The following B4GALNT3 variants were observed in gnomAD, a reference collection of about 807,000 sequenced individuals.
The protein encoded by B4GALNT3 is beta-1,4-N-acetyl-galactosaminyltransferase 3, also known as beta-1,4-N-acetylgalactosaminyltransferase 3.
In B4GALNT3, 86 loss-of-function variants were observed where a neutral mutation model predicts 120.2. The ratio of observed to expected loss-of-function variants is 0.72; its 90% confidence interval spans 0.60 to 0.86. The LOEUF (loss-of-function observed/expected upper bound fraction) is 0.86, where lower values mean the gene tolerates loss of function less well. B4GALNT3 is among the 40% of genes least tolerant of loss of function. The pLI, the probability that B4GALNT3 is intolerant of heterozygous loss-of-function variation, is 0.00. For missense variants in B4GALNT3, 1,167 were observed against 1,298.9 expected, an observed-to-expected ratio of 0.90 and a Z score of 1.56; for synonymous variants, 518 against 510.4, an observed-to-expected ratio of 1.01 and a Z score of -0.20.
rs567083210 is a variant in B4GALNT3 at position 525,642 on chromosome 12, G to A, written c.170-9524G>A. Among the ~76,000 whole-genome samples the A allele has an allele frequency of 8.1e-4, 124 of 152,272 alleles. No homozygotes were observed. In the Middle Eastern group the frequency reaches 0.017, roughly 21 times the overall value. ...ACCGCCTCCCTCCTCAAGTCAGGGC[G>A]GAGTCACTTCCGCCAAGCTGGGAAG... On this transcript the variant is annotated intron_variant, in intron 1 of 19. Coordinates refer to ENST00000266383, the MANE Select transcript of B4GALNT3 (RefSeq NM_173593.4).
In B4GALNT3 at chr12:553,630, C is replaced by G. The variant is rs138884534; in HGVS notation, c.1707C>G (p.Ile569Met). ...GGCTGAACCAGGTGGAGTCGTACAT[C>G]GCAGAGCAGAGACGGGGTGACAGGA... is the stretch of plus-strand genomic sequence containing the variant. ...TQWLNQVESY[I>M]AEQRRGDRMR... The change falls in exon 14 of 20, where the codon ATC becomes ATG. Residue 569 changes from isoleucine (I) to methionine (M), a missense_variant. Ile to Met is a conservative substitution (Grantham distance 10). Around this residue, in one of 3 missense-constraint regions of B4GALNT3, gnomAD observed 983 missense variants for 1,102.5 expected, o/e 0.89. Transcript: ENST00000266383. The G allele has an allele frequency of 6.2e-7, 1 of 1,614,000 alleles. No homozygotes were observed. The highest frequency in any genetic ancestry group is 8.5e-7 in the Non-Finnish European group (1 of 1,179,912).
intron 1 of B4GALNT3, among the ~76,000 whole-genome samples, chr12:489,926 G>A (rs1423880509): frequency 6.6e-6 from 1 of 152,148 alleles, no homozygotes; most frequent in Non-Finnish European, 1.5e-5. Flanking sequence ...CTCAGACCAC[G>A]ATGGAATTAA....
At chr12:547,084 C>A (rs1354689123) in intron 7 of B4GALNT3, among the ~76,000 whole-genome samples, 1 of 152,208 alleles carries the variant, frequency 6.6e-6, no homozygotes, top group African/African-American at 2.4e-5. Context: ...CTTTCCCTTG[C>A]GGGGAGGGAG....
intron 1 of B4GALNT3, among the ~76,000 whole-genome samples, chr12:531,309 GCCACTGCTGGC>G (rs58597465): frequency 0.56 from 84,439 of 151,040 alleles, 24,605 homozygotes; most frequent in Admixed American, 0.67. Context: ...TTGCCATACT[GCCACTGCTGGC>G]CCACTGCTGG....
chr12:494,142 C>T (rs1166041791), intron 1 of B4GALNT3, among the ~76,000 whole-genome samples: 4 of 151,780 alleles, frequency 2.6e-5, no homozygotes, highest in African/African-American at 4.8e-5. Context: ...TGGTGGTGTG[C>T]GCCTGTTGTC....
intron 1 of B4GALNT3, among the ~76,000 whole-genome samples, chr12:509,607 G>A (rs1318614414): frequency 2.0e-5 from 3 of 152,134 alleles, no homozygotes; most frequent in Non-Finnish European, 2.9e-5. Flanking sequence ...ACACAAAGCC[G>A]GAAATGCCTG....
chr12:552,933 G>A (rs746293578), intron 13 of B4GALNT3: 115 of 535,816 alleles, frequency 2.1e-4, no homozygotes, highest in Middle Eastern at 4.9e-4. Context: ...CACCTGCCGG[G>A]CATGTGATGC....
intron 3 of B4GALNT3, chr12:543,110 T>A (rs2120685486): frequency 7.8e-7 from 1 of 1,289,348 alleles, no homozygotes; most frequent in African/African-American, 1.5e-5. Flanking sequence ...GCCCCCTTCC[T>A]GCATGGGAGG....
At chr12:512,155 T>C (rs1946581970) in intron 1 of B4GALNT3, among the ~76,000 whole-genome samples, 1 of 81,560 alleles carries the variant, frequency 1.2e-5, no homozygotes, top group Non-Finnish European at 2.3e-5. Flanking sequence ...CCTTCCGCCT[T>C]CCGCCTTCCA....
intron 11 of B4GALNT3, 97 bp from the exon 12 acceptor site, chr12:551,966 T>C: frequency 1.1e-6 from 1 of 946,012 alleles, no homozygotes; most frequent in Non-Finnish European, 1.7e-6. Flanking sequence ...CTAGCAGCCC[T>C]ATGTGATCCC....
intron 1 of B4GALNT3, among the ~76,000 whole-genome samples, chr12:488,139 C>A (rs1946308084): frequency 6.7e-6 from 1 of 148,518 alleles, no homozygotes. Flanking sequence ...ATTTAAACAG[C>A]TGAGAAGAAG....
chr12:534,400 C>T (rs1424477710), intron 1 of B4GALNT3, among the ~76,000 whole-genome samples: 1 of 152,166 alleles, frequency 6.6e-6, no homozygotes, highest in African/African-American at 2.4e-5. Context: ...CGGACTGATT[C>T]TCCCCGGCCC....
intron 1 of B4GALNT3, among the ~76,000 whole-genome samples, chr12:532,128 G>A (rs926427685): frequency 2.9e-4 from 44 of 152,302 alleles, no homozygotes; most frequent in African/African-American, 1.0e-3. Context: ...TTCTGACTCA[G>A]AAGGCTTGCT....
intron 3 of B4GALNT3, among the ~76,000 whole-genome samples, chr12:536,677 C>T (rs1287144194): frequency 1.3e-5 from 2 of 152,168 alleles, no homozygotes; most frequent in African/African-American, 2.4e-5. Flanking sequence ...TTTCACTCCA[C>T]GCGTTCCAGG....
Position 519,264 on chromosome 12 carries a change from A to C in B4GALNT3, c.170-15902A>C, listed in dbSNP as rs372875667. On this transcript the variant is annotated intron_variant, in intron 1 of 19. Coordinates refer to ENST00000266383, the MANE Select transcript of B4GALNT3 (RefSeq NM_173593.4). The stretch of plus-strand genomic sequence containing the variant: ...CCCCTAAGACCTGGGAAGGCTAAAC[A>C]GTTAATAGCTTCTCAAGGGTTTTAT... Among the ~76,000 whole-genome samples, 4 of 152,362 alleles carry C rather than the reference A, an allele frequency of 2.6e-5. 1 individual carries two copies.
chr12:506,298 G>C (rs1946496218), intron 1 of B4GALNT3, among the ~76,000 whole-genome samples: 1 of 152,116 alleles, frequency 6.6e-6, no homozygotes, highest in Admixed American at 6.5e-5. Context: ...AGGATCAGGA[G>C]GTCACTGGGA....
chr12:487,289 C>T (rs1946299058), intron 1 of B4GALNT3, among the ~76,000 whole-genome samples: 2 of 152,092 alleles, frequency 1.3e-5, no homozygotes, highest in African/African-American at 4.8e-5. Flanking sequence ...CAGTTTTCCC[C>T]AAATTAATGA....
intron 12 of B4GALNT3, 35 bp from the exon 13 acceptor site, chr12:552,432 C>G (rs1947095431): frequency 1.3e-6 from 2 of 1,597,900 alleles, no homozygotes; most frequent in Non-Finnish European, 1.7e-6. Flanking sequence ...CCGCCATGCA[C>G]CGGGTGCCAA....
chr12:468,225 C>G (rs1946100874), intron 1 of B4GALNT3, among the ~76,000 whole-genome samples: 1 of 150,128 alleles, frequency 6.7e-6, no homozygotes, highest in Non-Finnish European at 1.5e-5. Context: ...TGTCACCACT[C>G]TGACCTAGAC....
Sources: allele counts gnomAD v4.1 joint callset (sites outside exome capture counted in the v4.1 genomes callset), GRCh38; gene constraint gnomAD v4.1.1; regional missense constraint gnomAD v4.1.1; transcripts MANE v1.5; gene names NCBI Gene and HGNC (gene_info 2026-07-23, HGNC 2026-07-21).